USP28: variants seen among roughly 807,000 people sequenced by gnomAD.
The protein encoded by USP28 is ubiquitin carboxyl-terminal hydrolase 28.
A neutral mutation model predicts 145.0 loss-of-function variants in USP28; 113 were observed. That is an observed-to-expected ratio of 0.78 (90% CI 0.67 to 0.91). USP28 has a LOEUF of 0.91. Among genes scored for constraint, USP28 ranks in the 40% least tolerant of loss-of-function variants. The pLI is 0.00. For synonymous variants in USP28, 447 were observed against 450.9 expected (o/e 0.99, Z 0.11); for missense variants, 1,201 against 1,289.6 (o/e 0.93, Z 1.05).
At chr11:113,828,718 C>A in intron 10 of USP28, 1 of 307,650 alleles carries the variant, frequency 3.3e-6, no homozygotes, top group Non-Finnish European at 6.4e-6. Context: ...CTTTCCAACC[C>A]AGAAAAAAAA....
chr11:113,856,543 C>T (rs569116429), intron 1 of USP28, among the ~76,000 whole-genome samples: 2 of 152,106 alleles, frequency 1.3e-5, no homozygotes, highest in African/African-American at 4.8e-5. Context: ...AGGTATTACG[C>T]CTGTCCTACA....
intron 11 of USP28, among the ~76,000 whole-genome samples, chr11:113,825,618 C>T (rs1943197206): frequency 6.6e-6 from 1 of 152,146 alleles, no homozygotes; most frequent in Non-Finnish European, 1.5e-5. Context: ...GGCAAAAAAT[C>T]ACTGCAGTAC....
intron 1 of USP28, among the ~76,000 whole-genome samples, chr11:113,860,239 G>A (rs1947510291): frequency 6.6e-6 from 1 of 152,056 alleles, no homozygotes; most frequent in Non-Finnish European, 1.5e-5. Context: ...AAACAGTGAT[G>A]CTATTTTCAT....
chr11:113,817,364 T>C (rs1418432526), intron 13 of USP28, among the ~76,000 whole-genome samples: 1 of 152,226 alleles, frequency 6.6e-6, no homozygotes, highest in Non-Finnish European at 1.5e-5. Flanking sequence ...GAAAGGCCTT[T>C]AATGGCAGCT....
intron 1 of USP28, among the ~76,000 whole-genome samples, chr11:113,860,068 C>T (rs1424763228): frequency 6.6e-6 from 1 of 152,196 alleles, no homozygotes; most frequent in Non-Finnish European, 1.5e-5. Flanking sequence ...CACTAAAAAC[C>T]TTAAGCTATC....
At chr11:113,841,678 C>T in exon 4 of USP28, 2 of 1,611,232 alleles carry the variant, frequency 1.2e-6, no homozygotes, top group Non-Finnish European at 1.7e-6. Context: ...AAGATCTCTT[C>T]CATCAGCTTG....
chr11:113,811,131 A>G (rs1452331036), intron 16 of USP28, among the ~76,000 whole-genome samples: 1 of 152,230 alleles, frequency 6.6e-6, no homozygotes, highest in Non-Finnish European at 1.5e-5. Flanking sequence ...AATTTGGAGA[A>G]TTGTATTTGA....
intron 6 of USP28, 97 bp downstream of exon 6, chr11:113,834,152 A>C (rs977853312): frequency 4.8e-6 from 4 of 840,942 alleles, no homozygotes; most frequent in Non-Finnish European, 5.6e-6. Flanking sequence ...GCACAAGCCA[A>C]AGAGTATCAC....
intron 8 of USP28, 52 bp from the exon 9 acceptor site, chr11:113,830,995 C>T (rs376792954): frequency 6.5e-5 from 104 of 1,591,818 alleles, no homozygotes; most frequent in African/African-American, 6.3e-4. Flanking sequence ...AAGATATGTG[C>T]TACATAAAAT....
chr11:113,838,255 C>T (rs1944803751), intron 5 of USP28, among the ~76,000 whole-genome samples: 2 of 152,210 alleles, frequency 1.3e-5, no homozygotes, highest in African/African-American at 2.4e-5. Flanking sequence ...ATCTTTCTCT[C>T]TCTCTATCCT....
intron 16 of USP28, among the ~76,000 whole-genome samples, chr11:113,810,509 C>CT (rs1940802442): frequency 6.6e-6 from 1 of 152,194 alleles, no homozygotes; most frequent in Non-Finnish European, 1.5e-5. Flanking sequence ...AACAAGGCTC[C>CT]TATATATTAA....
intron 16 of USP28, among the ~76,000 whole-genome samples, chr11:113,811,801 C>T (rs1049217063): frequency 6.6e-6 from 1 of 151,466 alleles, no homozygotes; most frequent in Non-Finnish European, 1.5e-5. Context: ...AAAACAACAA[C>T]AACTAGAGAA....
At chr11:113,829,575 C>A in intron 9 of USP28, 1 of 483,672 alleles carries the variant, frequency 2.1e-6, no homozygotes, top group African/African-American at 2.0e-5. Flanking sequence ...TGCCTGTAAT[C>A]CCACCACTTT....
At chr11:113,822,091 T>C (rs181187498) in intron 12 of USP28, among the ~76,000 whole-genome samples, 148 of 152,364 alleles carry the variant, frequency 9.7e-4, no homozygotes, top group African/African-American at 3.0e-3. Flanking sequence ...ATTTTTGAAC[T>C]ATAAAACATC....
At chr11:113,849,075 A>G (rs1482471470) in intron 3 of USP28, among the ~76,000 whole-genome samples, 1 of 152,224 alleles carries the variant, frequency 6.6e-6, no homozygotes, top group African/African-American at 2.4e-5. Flanking sequence ...GATGTCAGAG[A>G]AACACTTCAG....
intron 1 of USP28, among the ~76,000 whole-genome samples, chr11:113,858,723 C>T (rs977506467): frequency 1.3e-5 from 2 of 152,200 alleles, no homozygotes; most frequent in African/African-American, 4.8e-5. Flanking sequence ...GATTCTCCTG[C>T]CTCAGCCACC....
intron 21 of USP28, among the ~76,000 whole-genome samples, chr11:113,804,355 T>G (rs930926502): frequency 1.3e-5 from 2 of 152,254 alleles, no homozygotes; most frequent in Non-Finnish European, 2.9e-5. Context: ...CTATGTATTT[T>G]AATGCGTATT....
rs1043663878 is a variant in USP28, at chr11:113,803,702, G to A, written c.2738+96C>T. The A allele has an allele frequency of 6.2e-6, 6 of 972,370 alleles. No homozygotes were observed. In the African/African-American group the frequency reaches 6.6e-5, roughly 11 times the overall value. 60.2% of individuals were successfully genotyped at this position (972,370 alleles called of 1,614,324 possible). A position where few individuals can be genotyped will look rare whatever the true frequency, so the allele number is the denominator to read the frequency against. On this transcript the variant is annotated intron_variant, in intron 22 of 24. Transcript: ENST00000003302. ...CACACTAGTGTATGTGACAAGGGAGGTTATGCATGGCTGTGACTCTTAGTA... is the reference window on the plus strand; with the variant it reads ...CACACTAGTGTATGTGACAAGGGAGATTATGCATGGCTGTGACTCTTAGTA...
chr11:113,805,382 A>G (rs1939775237), intron 19 of USP28, among the ~76,000 whole-genome samples: 2 of 151,868 alleles, frequency 1.3e-5, no homozygotes, highest in South Asian at 4.2e-4. Flanking sequence ...CAGCCTCCCA[A>G]GTAGCTGGGA....
Sources: allele counts gnomAD v4.1 joint callset (sites outside exome capture counted in the v4.1 genomes callset), GRCh38; gene constraint gnomAD v4.1.1; transcripts MANE v1.5; gene names NCBI Gene and HGNC (gene_info 2026-07-23, HGNC 2026-07-21).